Variants in ZNF608 observed in about 807,000 individuals in gnomAD.
The protein encoded by ZNF608 is renal carcinoma antigen NY-REN-36.
In ZNF608, 12 loss-of-function variants were observed where a neutral mutation model predicts 109.0. The ratio of observed to expected loss-of-function variants is 0.11; its 90% CI spans 0.07 to 0.18. The LOEUF is 0.18. Among genes scored for constraint, ZNF608 ranks in the 10% least tolerant of loss-of-function variants. The probability of loss-of-function intolerance (pLI) is 1.00; values close to 1 mark genes in which losing one functional copy is unlikely to be tolerated. For missense variants in ZNF608, 1,707 were observed against 1,879.3 expected (o/e 0.91, Z 1.70); for synonymous variants, 732 against 717.4 (o/e 1.02, Z -0.33).
chr5:124,647,056 C>G lies in ZNF608; in HGVS notation c.3328G>C (p.Glu1110Gln). 6.2e-7 allele frequency: 1 copy of G among 1,614,090 alleles called. No homozygotes were observed. The highest frequency in any genetic ancestry group is 8.5e-7 in the Non-Finnish European group (1 of 1,179,976). ...TTCTGCTCTGCCAGCCTCTGGTCCT[C>G]ATAGTACTTCTCATACTGCTGTCTA... Reference protein sequence around the residue: ...AYRQQYEKYYEDQRLAEQKMA... With the variant: ...AYRQQYEKYYQDQRLAEQKMA... The change falls in exon 5 of 10, where the codon GAG (glutamate) becomes CAG (glutamine). Residue 1110 changes from glutamate to glutamine, a missense_variant. Glu to Gln is a conservative substitution (Grantham distance 29, BLOSUM62 2). This residue lies in a region of ZNF608 where 1,073 missense variants were observed against 1,133.5 expected (regional missense o/e 0.95). Coordinates refer to ENST00000513986, the MANE Select transcript of ZNF608 (RefSeq NM_020747.3).
intron 5 of ZNF608, 85 bp from the exon 6 acceptor site, chr5:124,644,746 C>T: frequency 8.8e-7 from 1 of 1,138,980 alleles, no homozygotes; most frequent in Non-Finnish European, 1.2e-6. Flanking sequence ...ATAATCATGA[C>T]AGCACTAGCA....
upstream of ZNF608, chr5:124,748,553 G>T (rs555108420): frequency 1.0e-6 from 1 of 985,350 alleles, no homozygotes; most frequent in Non-Finnish European, 1.2e-6. Flanking sequence ...GGATCGAGTT[G>T]ACCTTTTCCT....
intron 3 of ZNF608, among the ~76,000 whole-genome samples, chr5:124,695,238 C>T (rs1328543545): frequency 2.0e-5 from 3 of 152,280 alleles, no homozygotes; most frequent in Admixed American, 2.0e-4. Context: ...TTGATAAAGT[C>T]ACTATGATAT....
At chr5:124,667,074 A>T (rs1751509937) in intron 3 of ZNF608, among the ~76,000 whole-genome samples, 1 of 152,180 alleles carries the variant, frequency 6.6e-6, no homozygotes, top group Admixed American at 6.5e-5. Context: ...TCATCTACTT[A>T]ATATAAATTA....
At chr5:124,674,625 CTTTGAGACAGAGT>C (rs1751861632) in intron 3 of ZNF608, among the ~76,000 whole-genome samples, 1 of 152,012 alleles carries the variant, frequency 6.6e-6, no homozygotes, top group African/African-American at 2.4e-5. Context: ...GTTTGTTTTG[CTTTGAGACAGAGT>C]CTCCCTCTAT....
intron 2 of ZNF608, among the ~76,000 whole-genome samples, chr5:124,720,024 A>G (rs1256620039): frequency 6.6e-6 from 1 of 152,226 alleles, no homozygotes; most frequent in Non-Finnish European, 1.5e-5. Context: ...CAACAACAAT[A>G]ACAAAACAAC....
chr5:124,747,844 G>T (rs560505479), upstream of ZNF608, among the ~76,000 whole-genome samples: 41 of 152,292 alleles, frequency 2.7e-4, no homozygotes, highest in African/African-American at 7.9e-4. Flanking sequence ...GCCTGGGGGA[G>T]GGAGAAGGGT....
At chr5:124,637,935 C>T (rs768363898) in intron 9 of ZNF608, 29 bp from the exon 10 acceptor site, 8 of 1,610,378 alleles carry the variant, frequency 5.0e-6, no homozygotes, top group East Asian at 4.5e-5. Flanking sequence ...CCTTAGCACA[C>T]GGTTCTATCA....
Position 124,638,193 on chromosome 5 carries a change from G to T in ZNF608, c.4533-287C>A, listed in dbSNP as rs185051480. ...TCAAGCTCCTGACCTCAGGTGATCT[G>T]CCCACCTCGGCCTCCCAAAGTGCTG... is the stretch of plus-strand genomic sequence containing the variant. On this transcript the variant is annotated intron_variant, in intron 9 of 9. Coordinates refer to ENST00000513986, the MANE Select transcript of ZNF608 (RefSeq NM_020747.3). 3.1e-3 allele frequency among the ~76,000 whole-genome samples: 467 copies of T among 150,936 alleles called. 4 individuals carry two copies. Among genetic ancestry groups the T allele is most frequent in the African/African-American group, 0.011 (452 of 41,120 alleles).
rs148091176 is a variant in ZNF608 at position 124,739,739 on chromosome 5, A to C, written c.906+4345T>G. ...AGTACCAGGTGAACTTTTTTAAATT[A>C]AAAAAGAATACACGCGCACACACAG... On this transcript the variant is annotated intron_variant, in intron 2 of 9. Coordinates refer to ENST00000513986, the MANE Select transcript of ZNF608 (RefSeq NM_020747.3). Among the ~76,000 whole-genome samples, 320 of 152,350 alleles carry C rather than the reference A, an allele frequency of 2.1e-3. 2 individuals are homozygous for C. The highest frequency in any genetic ancestry group is 7.6e-3 in the African/African-American group (317 of 41,576).
At chr5:124,642,883 G>A (rs2149783226) in intron 7 of ZNF608, among the ~76,000 whole-genome samples, 1 of 151,906 alleles carries the variant, frequency 6.6e-6, no homozygotes, top group South Asian at 2.1e-4. Context: ...TTTTAGTAGA[G>A]ACGGAGTTTC....
chr5:124,657,547 C>T (rs1036347015), intron 3 of ZNF608, among the ~76,000 whole-genome samples: 2 of 151,988 alleles, frequency 1.3e-5, no homozygotes, highest in Admixed American at 6.6e-5. Context: ...TGGTGGTGGG[C>T]ACCTGTAGTC....
rs1375477931 is a variant in ZNF608 at position 124,746,609 on chromosome 5, T to C, written c.-598A>G. 3.0e-6 allele frequency: 3 copies of C among 985,296 alleles called. No homozygotes were observed. Among genetic ancestry groups the C allele is most frequent in the Non-Finnish European group, 3.6e-6 (3 of 829,940 alleles). The allele number at this position is 985,296 out of a possible 1,614,324, so 61.0% of individuals were successfully genotyped here. ...GTCACCGTGATCAGTAATGATCCCA[T>C]GTAGCAAACCTACAGGCGTCCGCTA... On this transcript the variant is annotated 5_prime_UTR_variant, in exon 1 of 10. It removes an upstream start codon present in the reference 5' UTR. Coordinates refer to ENST00000513986, the MANE Select transcript of ZNF608 (RefSeq NM_020747.3).
chr5:124,643,472 A>T, intron 7 of ZNF608, 39 bp downstream of exon 7: 1 of 1,600,266 alleles, frequency 6.2e-7, no homozygotes. Context: ...TTTCTCCCCA[A>T]ATCACAGTAC....
rs558061713 is a variant in ZNF608, at chr5:124,659,432, T to C, written c.1163-9735A>G. ...GCAGCATAGTCTGTTTCTTGCCCAATTCTTCCCCAGTGGCAGGAGCAAAGG... is the reference window on the plus strand; with the variant it reads ...GCAGCATAGTCTGTTTCTTGCCCAACTCTTCCCCAGTGGCAGGAGCAAAGG... On this transcript the variant is annotated intron_variant, in intron 3 of 9. Transcript: ENST00000513986. 4.9e-3 allele frequency among the ~76,000 whole-genome samples: 749 copies of C among 152,286 alleles called. 7 individuals are homozygous for C. Among genetic ancestry groups the C allele is most frequent in the Middle Eastern group, 0.01 (3 of 294 alleles).
At chr5:124,658,223 G>A (rs1473399632) in intron 3 of ZNF608, among the ~76,000 whole-genome samples, 2 of 152,118 alleles carry the variant, frequency 1.3e-5, no homozygotes, top group Non-Finnish European at 2.9e-5. Flanking sequence ...TGCATCAAAA[G>A]CCACCCCCTG....
chr5:124,650,360 T>C (rs1244767955), intron 3 of ZNF608, among the ~76,000 whole-genome samples: 2 of 152,204 alleles, frequency 1.3e-5, no homozygotes, highest in African/African-American at 2.4e-5. Flanking sequence ...TAAGGACTCC[T>C]AAAATAGCCC....
intron 2 of ZNF608, among the ~76,000 whole-genome samples, chr5:124,735,331 A>G (rs1749095925): frequency 6.6e-6 from 1 of 152,140 alleles, no homozygotes; most frequent in Non-Finnish European, 1.5e-5. Context: ...GCTCAGGGCC[A>G]TAAACGGGTC....
Position 124,649,116 on chromosome 5 carries a change from G to T in ZNF608, c.1268C>A (p.Thr423Lys). Residue 423 changes from threonine to lysine, a missense_variant, in exon 5 of 10, where the codon ACA becomes AAA. Transcript: ENST00000513986. ...WAPPRFCESP[T>K]SDLEMRGGRG... ...GCCCCCTCTCATCTCCAGGTCACTT[G>T]TCGGTGACTCACAAAACCTATGGAA... 1 of 1,566,044 alleles carries T rather than the reference G, an allele frequency of 6.4e-7. No individual in the cohort carries two copies.
Sources: gnomAD v4.1 joint callset for allele counts (sites outside exome capture counted in the v4.1 genomes callset) on GRCh38, gnomAD v4.1.1 for gene constraint, gnomAD v4.1.1 regional missense constraint, MANE v1.5 for transcripts, NCBI Gene and HGNC (gene_info 2026-07-23, HGNC 2026-07-21) for gene names.